The following TMEM117 variants were observed in gnomAD, a reference collection of about 807,000 sequenced individuals.
TMEM117 encodes the protein transmembrane protein 117.
In TMEM117, 27 loss-of-function variants were observed where a neutral mutation model predicts 52.4. That is an observed-to-expected ratio of 0.51 (90% confidence interval 0.38 to 0.71). The LOEUF is 0.71. TMEM117 is among the 30% of genes least tolerant of loss of function. The pLI is 0.00. For synonymous variants in TMEM117, 215 were observed against 206.3 expected, an observed-to-expected ratio of 1.04 and a Z score of -0.36; for missense variants, 556 against 630.5, an observed-to-expected ratio of 0.88 and a Z score of 1.26.
At chr12:44,399,077 G>T in the TMEM117 span, among the ~76,000 whole-genome samples, 1 of 152,100 alleles carries the variant, frequency 6.6e-6, no homozygotes, top group Non-Finnish European at 1.5e-5. Flanking sequence ...ACTATAACTT[G>T]TCTATTTACA....
At chr12:44,350,993 G>T (rs139283411) in intron 6 of TMEM117, among the ~76,000 whole-genome samples, 1 of 152,072 alleles carries the variant, frequency 6.6e-6, no homozygotes, top group East Asian at 1.9e-4. Context: ...AGTGTACAAG[G>T]GTTCCCCTAG....
At chr12:43,939,254 G>T (rs1184142394) in intron 2 of TMEM117, among the ~76,000 whole-genome samples, 1 of 152,068 alleles carries the variant, frequency 6.6e-6, no homozygotes, top group African/African-American at 2.4e-5. Flanking sequence ...ATATGGGTGG[G>T]CCAAATCATA....
chr12:43,964,403 C>G (rs1007838135), intron 3 of TMEM117, among the ~76,000 whole-genome samples: 3 of 152,212 alleles, frequency 2.0e-5, no homozygotes, highest in Admixed American at 6.5e-5. Context: ...GGATTATATA[C>G]TTCCTGATCT....
intron 2 of TMEM117, among the ~76,000 whole-genome samples, chr12:43,921,212 G>A (rs534224057): frequency 4.6e-5 from 7 of 152,066 alleles, no homozygotes; most frequent in Non-Finnish European, 7.4e-5. Context: ...CCCGTCTCTA[G>A]CCTAGAAGCT....
At chr12:43,837,206 C>T (rs371662610) in intron 1 of TMEM117, among the ~76,000 whole-genome samples, 1 of 152,136 alleles carries the variant, frequency 6.6e-6, no homozygotes, top group South Asian at 2.1e-4. Flanking sequence ...GAAACTGGCT[C>T]TTGTCAGTTT....
At chr12:44,217,723 G>A (rs17094291) in intron 5 of TMEM117, among the ~76,000 whole-genome samples, 16,130 of 152,066 alleles carry the variant, frequency 0.11, 945 homozygotes, top group Middle Eastern at 0.2. Flanking sequence ...TGAGTGACTC[G>A]TATTCCAGAA....
At chr12:44,339,618 T>C (rs1592704128) in intron 6 of TMEM117, among the ~76,000 whole-genome samples, 1 of 151,996 alleles carries the variant, frequency 6.6e-6, no homozygotes, top group Admixed American at 6.6e-5. Flanking sequence ...CAGTAACTAA[T>C]TAGAAAATAC....
chr12:43,836,254 G>T (rs2137332577), intron 1 of TMEM117, 58 bp downstream of exon 1: 1 of 152,426 alleles, frequency 6.6e-6, no homozygotes, highest in African/African-American at 2.4e-5. Flanking sequence ...TCCAGCCGCA[G>T]CGGAGCCCTC....
At chr12:44,033,316 CTCTG>C (rs971321774) in intron 3 of TMEM117, among the ~76,000 whole-genome samples, 50 of 152,326 alleles carry the variant, frequency 3.3e-4, no homozygotes, top group South Asian at 1.2e-3. Flanking sequence ...CTCTGGGCTG[CTCTG>C]TCTATCGAGT....
chr12:44,182,543 G>A (rs556244435), intron 4 of TMEM117, among the ~76,000 whole-genome samples: 3 of 152,224 alleles, frequency 2.0e-5, no homozygotes, highest in East Asian at 3.9e-4. Context: ...GGTATTGATG[G>A]GACGTATTTC....
chr12:44,374,479 T>C (rs60810059), intron 6 of TMEM117, among the ~76,000 whole-genome samples: 4,994 of 152,132 alleles, frequency 0.033, 282 homozygotes, highest in African/African-American at 0.11. Flanking sequence ...AGCCCTTTCT[T>C]TAAAAAAATA....
chr12:44,183,670 G>A (rs75016769), intron 4 of TMEM117, among the ~76,000 whole-genome samples: 16,403 of 152,138 alleles, frequency 0.11, 1,079 homozygotes, highest in East Asian at 0.22. Flanking sequence ...TCAAAGGCAA[G>A]CTGCATAAGG....
chr12:44,301,283 T>C (rs1052494984), intron 6 of TMEM117, among the ~76,000 whole-genome samples: 1 of 152,108 alleles, frequency 6.6e-6, no homozygotes, highest in African/African-American at 2.4e-5. Context: ...TTTACAGATA[T>C]TATGGATTCA....
chr12:44,326,425 C>T (rs1044853967), intron 6 of TMEM117, among the ~76,000 whole-genome samples: 8 of 152,136 alleles, frequency 5.3e-5, no homozygotes, highest in Non-Finnish European at 8.8e-5. Context: ...CAGAGACCAA[C>T]ATCCAGGATC....
At chr12:43,886,078 G>A (rs1457949042) in intron 2 of TMEM117, among the ~76,000 whole-genome samples, 2 of 152,262 alleles carry the variant, frequency 1.3e-5, no homozygotes, top group East Asian at 3.9e-4. Context: ...CTATAGAGAG[G>A]CATTAAAAGA....
intron 1 of TMEM117, among the ~76,000 whole-genome samples, chr12:43,841,656 AT>A (rs1321108902): frequency 6.6e-6 from 1 of 152,208 alleles, no homozygotes; most frequent in Admixed American, 6.5e-5. Flanking sequence ...AAATGCGTGT[AT>A]TTAAAAAAAG....
chr12:44,017,143 C>T (rs1334155903), intron 3 of TMEM117, among the ~76,000 whole-genome samples: 1 of 151,856 alleles, frequency 6.6e-6, no homozygotes, highest in Non-Finnish European at 1.5e-5. Context: ...TAAAGATGAG[C>T]ATCAATCTGA....
Position 43,967,257 on chromosome 12 carries a change from TG to T in TMEM117, c.410+22918del, listed in dbSNP as rs1400054567. The stretch of plus-strand genomic sequence containing the variant: ...TTCTCACCTCAGCCTCCTGGGTAAC[TG>T]GGATTACAGGCATGTGCCACCATGC... On this transcript the variant is annotated intron_variant, in intron 3 of 7. Coordinates refer to ENST00000266534, the MANE Select transcript of TMEM117 (RefSeq NM_032256.3). Among the ~76,000 whole-genome samples, 5 of 152,228 alleles carry T rather than the reference TG, an allele frequency of 3.3e-5. No individual in the cohort carries two copies. In the South Asian group the frequency reaches 6.2e-4, roughly 19 times the overall value.
intron 3 of TMEM117, among the ~76,000 whole-genome samples, chr12:44,041,334 A>G (rs910101337): frequency 3.5e-5 from 5 of 143,146 alleles, no homozygotes; most frequent in African/African-American, 1.3e-4. Context: ...TTAATTATTT[A>G]CAAAAATTAA....
Sources: allele counts gnomAD v4.1 joint callset (sites outside exome capture counted in the v4.1 genomes callset), GRCh38; gene constraint gnomAD v4.1.1; transcripts MANE v1.5; gene names NCBI Gene and HGNC (gene_info 2026-07-23, HGNC 2026-07-21).